The following SS18 variants were observed in gnomAD, a reference collection of about 807,000 sequenced individuals.
The protein encoded by SS18 is protein SSXT.
Under a neutral mutation model 72.5 loss-of-function variants are expected in SS18, and 28 were observed. The observed-to-expected ratio is 0.39, with a 90% CI of 0.29 to 0.53. The LOEUF is 0.53. Ranked by LOEUF, SS18 falls within the 20% of genes least tolerant of loss-of-function variation. The pLI, the probability that SS18 is intolerant of heterozygous loss-of-function variation, is 0.76. For missense variants in SS18, 518 were observed against 535.3 expected, an observed-to-expected ratio of 0.97 and a Z score of 0.32; for synonymous variants, 172 against 164.2, an observed-to-expected ratio of 1.05 and a Z score of -0.37.
At position 26,073,008 on chromosome 18, in the gene SS18, A is replaced by C. The variant is rs569276777; in HGVS notation, c.231+5068T>G. ...ACTTGACCTAACCTAATAGACATAT[A>C]TAGAACTCTGCTCTCAGTGGCTAAA... On this transcript the variant is annotated intron_variant, in intron 3 of 10. Transcript: ENST00000415083. Among the ~76,000 whole-genome samples, 6 of 152,274 alleles carry C rather than the reference A, an allele frequency of 3.9e-5. No homozygotes were observed. In the South Asian group the frequency reaches 1.2e-3, roughly 32 times the overall value.
intron 2 of SS18, among the ~76,000 whole-genome samples, chr18:26,079,737 C>G (rs77455449): frequency 0.097 from 14,748 of 152,064 alleles, 1,085 homozygotes; most frequent in African/African-American, 0.18. Context: ...CACATACCAC[C>G]ACACGGTGCT....
At chr18:26,048,971 A>T (rs530600926) in intron 5 of SS18, among the ~76,000 whole-genome samples, 1 of 152,330 alleles carries the variant, frequency 6.6e-6, no homozygotes, top group East Asian at 1.9e-4. Context: ...CATTTCACTT[A>T]ATCTTACTTA....
At chr18:26,059,304 C>T (rs1288012343) in intron 3 of SS18, among the ~76,000 whole-genome samples, 1 of 152,132 alleles carries the variant, frequency 6.6e-6, no homozygotes, top group African/African-American at 2.4e-5. Context: ...TGGCTTTTTC[C>T]TTGAGTTTGC....
At chr18:26,060,607 AAAAGACAC>A in intron 3 of SS18, among the ~76,000 whole-genome samples, 1 of 151,872 alleles carries the variant, frequency 6.6e-6, no homozygotes, top group Non-Finnish European at 1.5e-5. Flanking sequence ...AGAAAATTTA[AAAAGACAC>A]CTAAGTCATT....
Position 26,052,785 on chromosome 18 carries a change from G to A in SS18, c.446C>T (p.Ser149Phe). The change falls in exon 5 of 11, where the codon TCC becomes TTC. Residue 149 changes from serine to phenylalanine, a missense_variant. Coordinates refer to ENST00000415083, the MANE Select transcript of SS18 (RefSeq NM_001007559.3). ...ATGGCTACTTGAAGGCATATTCATGGAACTGTTTGTCATATTGAGTTGATT... is the reference window on the plus strand; with the variant it reads ...ATGGCTACTTGAAGGCATATTCATGAAACTGTTTGTCATATTGAGTTGATT... ...GPNQLNMTNS[S>F]MNMPSSSHGS... is the part of the protein sequence containing the mutation. The A allele has an allele frequency of 1.2e-6, 2 of 1,614,142 alleles. No homozygotes were observed. Among genetic ancestry groups the A allele is most frequent in the Non-Finnish European group, 1.7e-6 (2 of 1,180,004 alleles).
chr18:26,038,060 C>T (rs1465330228), intron 7 of SS18, among the ~76,000 whole-genome samples: 2 of 152,074 alleles, frequency 1.3e-5, no homozygotes, highest in East Asian at 3.8e-4. Context: ...AAATTTTTCT[C>T]AAAGGCAAGC....
chr18:26,031,449 G>A (rs971796629), intron 10 of SS18, among the ~76,000 whole-genome samples: 1 of 152,088 alleles, frequency 6.6e-6, no homozygotes, highest in African/African-American at 2.4e-5. Flanking sequence ...ACAGTTCCTT[G>A]TTAAAAAATA....
intron 3 of SS18, among the ~76,000 whole-genome samples, chr18:26,059,724 C>T (rs964423017): frequency 1.3e-5 from 2 of 152,114 alleles, no homozygotes; most frequent in African/African-American, 4.8e-5. Context: ...CTTCACATAC[C>T]AAAGGAAAAC....
chr18:26,018,618 T>C (rs1479124591), intron 10 of SS18, among the ~76,000 whole-genome samples: 2 of 152,232 alleles, frequency 1.3e-5, no homozygotes, highest in African/African-American at 2.4e-5. Flanking sequence ...CAAATGAGCC[T>C]AGAATAATAC....
chr18:26,088,717 A>C (rs1238824443), intron 1 of SS18, among the ~76,000 whole-genome samples: 3 of 152,206 alleles, frequency 2.0e-5, no homozygotes, highest in African/African-American at 7.2e-5. Flanking sequence ...TTCAGCTGTA[A>C]GATCAAGGGA....
At chr18:26,064,642 T>A (rs1375953196) in intron 3 of SS18, among the ~76,000 whole-genome samples, 2 of 152,084 alleles carry the variant, frequency 1.3e-5, no homozygotes, top group Non-Finnish European at 2.9e-5. Context: ...ACAGCCAATG[T>A]CATCTTACTA....
intron 5 of SS18, among the ~76,000 whole-genome samples, chr18:26,044,467 T>C (rs778436343): frequency 6.6e-6 from 1 of 151,230 alleles, no homozygotes; most frequent in South Asian, 2.1e-4. Flanking sequence ...GAGACTGCAG[T>C]TGCACACCAC....
At position 26,027,771 on chromosome 18, in the gene SS18, T is replaced by G. The variant is rs1354184363; in HGVS notation, c.1230+4628A>C. On this transcript the variant is annotated intron_variant, in intron 10 of 10. Transcript: ENST00000415083. ...AGAAAGAAAAAAAGCCATGCAAACT[T>G]TATTTCATACTTCACACCATACATA... Among the ~76,000 whole-genome samples the G allele has an allele frequency of 5.3e-5, 8 of 150,566 alleles. No individual in the cohort carries two copies. The South Asian group carries it at 8.3e-4, about 16-fold the overall frequency.
At chr18:26,041,197 T>C (rs1414181201) in intron 5 of SS18, among the ~76,000 whole-genome samples, 1 of 151,890 alleles carries the variant, frequency 6.6e-6, no homozygotes, top group Non-Finnish European at 1.5e-5. Flanking sequence ...CTAAGGTGGG[T>C]GGATCACCTG....
At chr18:26,028,650 A>G (rs1212529897) in intron 10 of SS18, among the ~76,000 whole-genome samples, 1 of 152,254 alleles carries the variant, frequency 6.6e-6, no homozygotes, top group Non-Finnish European at 1.5e-5. Flanking sequence ...AAAAGAAGCC[A>G]GATAAAAACC....
At chr18:26,071,367 A>G (rs148295081) in intron 3 of SS18, among the ~76,000 whole-genome samples, 6 of 152,350 alleles carry the variant, frequency 3.9e-5, no homozygotes, top group Admixed American at 3.9e-4. Context: ...TCCTAGACAA[A>G]GCAAAACTCT....
At chr18:26,030,287 C>T (rs768843717) in intron 10 of SS18, among the ~76,000 whole-genome samples, 2 of 152,160 alleles carry the variant, frequency 1.3e-5, no homozygotes, top group Non-Finnish European at 2.9e-5. Context: ...TTTGTGAATG[C>T]TCTTCTTTCA....
In SS18 at chr18:26,019,866, A is replaced by C. The variant is rs1331384093; in HGVS notation, c.1231-1486T>G. On this transcript the variant is annotated intron_variant, in intron 10 of 10. Transcript: ENST00000415083. ...TGTTTTACATAGTTATATTCAGCTAAATTTAAATCAATGATCATCTTGAAG... is the reference window on the plus strand; with the variant it reads ...TGTTTTACATAGTTATATTCAGCTACATTTAAATCAATGATCATCTTGAAG... 3.3e-5 allele frequency among the ~76,000 whole-genome samples: 5 copies of C among 151,672 alleles called. No homozygotes were observed. In the East Asian group the frequency reaches 9.7e-4, roughly 29 times the overall value.
At chr18:26,090,616 A>C, upstream of SS18, 1 of 1,538,944 alleles carries the variant, frequency 6.5e-7, no homozygotes, top group Non-Finnish European at 8.8e-7. Context: ...CTCCGGGTGA[A>C]CGGCAAACTG....
Sources: allele counts gnomAD v4.1 joint callset (sites outside exome capture counted in the v4.1 genomes callset), GRCh38; gene constraint gnomAD v4.1.1; transcripts MANE v1.5; gene names NCBI Gene and HGNC (gene_info 2026-07-23, HGNC 2026-07-21).